Variants in PTPDC1 observed in about 807,000 individuals in gnomAD.
PTPDC1 encodes protein tyrosine phosphatase domain-containing protein 1.
Under a neutral mutation model 75.3 loss-of-function variants are expected in PTPDC1, and 53 were observed. That is an observed-to-expected ratio of 0.70 (90% CI 0.56 to 0.88). PTPDC1 has a LOEUF of 0.88. PTPDC1 is among the 40% of genes least tolerant of loss of function. The probability of loss-of-function intolerance (pLI) is 0.00; values close to 1 mark genes in which losing one functional copy is unlikely to be tolerated. For synonymous variants in PTPDC1, 349 were observed against 366.2 expected, an observed-to-expected ratio of 0.95 and a Z score of 0.54; for missense variants, 925 against 998.6, an observed-to-expected ratio of 0.93 and a Z score of 0.99.
At chr9:94,099,699 A>G (rs1827767245) in intron 6 of PTPDC1, among the ~76,000 whole-genome samples, 1 of 152,200 alleles carries the variant, frequency 6.6e-6, no homozygotes, top group African/African-American at 2.4e-5. Flanking sequence ...CAGTCAGCAA[A>G]TATTTCCTGG....
intron 2 of PTPDC1, among the ~76,000 whole-genome samples, chr9:94,068,502 A>G (rs1159874164): frequency 1.3e-5 from 2 of 152,130 alleles, no homozygotes; most frequent in South Asian, 2.1e-4. Context: ...ATAACACAAG[A>G]TGTCATTTTG....
rs534405096 is a variant in PTPDC1, at chr9:94,052,680, T to G, written c.-6-12054T>G. ...GATCAATTTTGAGTTAATTTTTATA[T>G]GTGATATAAGAGATTGAGACTCATG... is the stretch of plus-strand genomic sequence containing the variant. On this transcript the variant is annotated intron_variant, in intron 1 of 9. Coordinates refer to the PTPDC1 transcript ENST00000375360. Among the ~76,000 whole-genome samples, 74 of 152,344 alleles carry G rather than the reference T, an allele frequency of 4.9e-4. No individual in the cohort carries two copies. In the South Asian group the frequency reaches 0.014, roughly 30 times the overall value.
intron 1 of PTPDC1, among the ~76,000 whole-genome samples, chr9:94,061,231 A>G (rs1429672195): frequency 6.6e-6 from 1 of 152,138 alleles, no homozygotes; most frequent in Non-Finnish European, 1.5e-5. Flanking sequence ...AAAATACTCC[A>G]TGGGAACACT....
chr9:94,060,940 G>T (rs555725049), intron 1 of PTPDC1, among the ~76,000 whole-genome samples: 1 of 151,930 alleles, frequency 6.6e-6, no homozygotes, highest in Admixed American at 6.6e-5. Flanking sequence ...TCCTTCTCAC[G>T]TTGCAAAATA....
intron 5 of PTPDC1, among the ~76,000 whole-genome samples, chr9:94,096,769 T>C (rs960436008): frequency 4.9e-4 from 75 of 152,046 alleles, no homozygotes; most frequent in African/African-American, 1.7e-3. Flanking sequence ...AGAAGAAAAG[T>C]AGGCTGCAAA....
chr9:94,088,871 A>T (rs1464963386), intron 4 of PTPDC1, among the ~76,000 whole-genome samples: 1 of 152,170 alleles, frequency 6.6e-6, no homozygotes, highest in Non-Finnish European at 1.5e-5. Context: ...GAAAATCCAT[A>T]TATACTGTCT....
At chr9:94,085,210 G>A in intron 1 of PTPDC1, 41 bp from the exon 2 acceptor site, 1 of 1,554,052 alleles carries the variant, frequency 6.4e-7, no homozygotes, top group South Asian at 1.1e-5. Context: ...ATTTCATTTG[G>A]AGAGTGGAAT....
chr9:94,082,266 A>C (rs1198148467), upstream of PTPDC1, among the ~76,000 whole-genome samples: 1 of 152,238 alleles, frequency 6.6e-6, no homozygotes, highest in Non-Finnish European at 1.5e-5. Flanking sequence ...CCGTGGACTT[A>C]AGAATGCGGA....
At chr9:94,033,391 A>G (rs1829763994) in intron 1 of PTPDC1, among the ~76,000 whole-genome samples, 1 of 152,220 alleles carries the variant, frequency 6.6e-6, no homozygotes. Context: ...ATGTGTTGTT[A>G]CTGAAAAAGT....
chr9:94,066,212 C>G (rs929235833), intron 2 of PTPDC1, among the ~76,000 whole-genome samples: 1 of 152,118 alleles, frequency 6.6e-6, no homozygotes, highest in African/African-American at 2.4e-5. Flanking sequence ...TTGTGATCCA[C>G]TAGGTATGCT....
chr9:94,109,177 T>C lies in PTPDC1; in HGVS notation c.*1233T>C, dbSNP rs924388104. The C allele has an allele frequency of 1.3e-5, 2 of 152,214 alleles. No individual in the cohort carries two copies. Among genetic ancestry groups the C allele is most frequent in the African/African-American group, 4.8e-5 (2 of 41,456 alleles). 9.4% of individuals were successfully genotyped at this position (152,214 alleles called of 1,614,324 possible). ...TCAATTATCAGTTGAAGCCATACTT[T>C]TATTTAAATTAATATACGTAGATAC... On this transcript the variant is annotated 3_prime_UTR_variant, in exon 9 of 9. Coordinates refer to ENST00000620992, the MANE Select transcript of PTPDC1 (RefSeq NM_001253829.2).
At chr9:94,086,849 G>A (rs762018451) in intron 2 of PTPDC1, among the ~76,000 whole-genome samples, 2 of 152,182 alleles carry the variant, frequency 1.3e-5, no homozygotes, top group Non-Finnish European at 2.9e-5. Flanking sequence ...AAGCTAGAAA[G>A]TAGAAGAGCC....
At chr9:94,059,616 T>G (rs1338597639) in intron 1 of PTPDC1, among the ~76,000 whole-genome samples, 1 of 152,186 alleles carries the variant, frequency 6.6e-6, no homozygotes, top group Non-Finnish European at 1.5e-5. Flanking sequence ...TTCAGTAGTA[T>G]GGTTTAAAGA....
chr9:94,057,904 G>A (rs959814063), intron 1 of PTPDC1, among the ~76,000 whole-genome samples: 29 of 152,156 alleles, frequency 1.9e-4, no homozygotes, highest in Non-Finnish European at 4.4e-5. Context: ...TGAAATAAGA[G>A]AAATTAGATA....
chr9:94,049,748 T>G (rs192243611), intron 1 of PTPDC1, among the ~76,000 whole-genome samples: 3,897 of 152,300 alleles, frequency 0.026, 164 homozygotes, highest in African/African-American at 0.089. Context: ...TTCCTGAATT[T>G]GAATGTTGGC....
chr9:94,084,452 C>T (rs1040683372), upstream of PTPDC1: 1 of 1,573,008 alleles, frequency 6.4e-7, no homozygotes, highest in African/African-American at 1.3e-5. Flanking sequence ...CGATGCAATG[C>T]TCCCTGCTCT....
intron 4 of PTPDC1, among the ~76,000 whole-genome samples, chr9:94,091,122 A>G (rs1310124285): frequency 4.0e-5 from 6 of 151,308 alleles, no homozygotes; most frequent in African/African-American, 4.9e-5. Flanking sequence ...CACTATGTTG[A>G]ATAGGAGTGG....
intron 1 of PTPDC1, among the ~76,000 whole-genome samples, chr9:94,036,293 G>T (rs1825268222): frequency 6.6e-6 from 1 of 151,830 alleles, no homozygotes; most frequent in Non-Finnish European, 1.5e-5. Context: ...CTCTGTTTTT[G>T]TCTCAGAGTT....
chr9:94,060,319 A>G (rs1418455952), intron 1 of PTPDC1, among the ~76,000 whole-genome samples: 2 of 152,206 alleles, frequency 1.3e-5, no homozygotes, highest in African/African-American at 4.8e-5. Context: ...TTAGACAAAG[A>G]TATTGTGGAG....
Sources: gnomAD v4.1 joint callset for allele counts (sites outside exome capture counted in the v4.1 genomes callset) on GRCh38, gnomAD v4.1.1 for gene constraint, MANE v1.5 for transcripts, NCBI Gene and HGNC (gene_info 2026-07-23, HGNC 2026-07-21) for gene names.